The following SLC34A3 variants were observed in gnomAD, a reference collection of about 807,000 sequenced individuals.
The protein encoded by SLC34A3 is solute carrier family 34 member 3.
In SLC34A3, 60 loss-of-function variants were observed where a neutral mutation model predicts 43.9. That is an observed-to-expected ratio of 1.37 (90% CI 1.11 to 1.70). SLC34A3 has a LOEUF of 1.70. SLC34A3 is among the 40% of genes most tolerant of loss of function. SLC34A3 has a pLI of 0.00. For synonymous variants in SLC34A3, 451 were observed against 386.2 expected (o/e 1.17, Z -1.97); for missense variants, 969 against 823.8 (o/e 1.18, Z -2.16).
chr9:137,231,510 A>C (rs1836210415), intron 1 of SLC34A3, among the ~76,000 whole-genome samples, 154 bp from the exon 2 acceptor site: 1 of 151,790 alleles, frequency 6.6e-6, no homozygotes, highest in African/African-American at 2.4e-5. Flanking sequence ...CTGTGGATGG[A>C]GAAAGGGGGA....
At position 137,236,167 on chromosome 9, in the gene SLC34A3, C is replaced by CG. The variant is rs1554785333; in HGVS notation, c.1556dup (p.Pro520SerfsTer73). 6.2e-7 allele frequency: 1 copy of CG among 1,607,504 alleles called. No homozygotes were observed. Among genetic ancestry groups the CG allele is most frequent in the Non-Finnish European group, 8.5e-7 (1 of 1,178,256 alleles). On this transcript the variant is annotated frameshift_variant, in exon 13 of 13. Transcript: ENST00000673835. LOFTEE classifies it low-confidence loss of function (END_TRUNC). Reference sequence around the variant, plus strand: ...CAGGGGGCATGGAGCTGGCCGCTGTCGGGGGTCCCCTGGTGGGGCTGGTGC... The same window carrying CG: ...CAGGGGGCATGGAGCTGGCCGCTGTCGGGGGGTCCCCTGGTGGGGCTGGTGC...
chr9:137,232,527 C>T, intron 3 of SLC34A3, 48 bp from the exon 4 acceptor site: 2 of 1,608,070 alleles, frequency 1.2e-6, no homozygotes, highest in Non-Finnish European at 1.7e-6. Context: ...GGAGGGAGAC[C>T]TGTCAGGGTG....
In SLC34A3 at chr9:137,232,777, G is replaced by A. The variant is rs201109343; in HGVS notation, c.305-7G>A. 1.3e-4 allele frequency: 205 copies of A among 1,613,034 alleles called. No homozygotes were observed. Among genetic ancestry groups the A allele is most frequent in the Non-Finnish European group, 1.5e-4 (176 of 1,179,998 alleles). On this transcript the variant is annotated splice_region_variant and splice_polypyrimidine_tract_variant and intron_variant, in intron 4 of 12. Coordinates refer to ENST00000673835, the MANE Select transcript of SLC34A3 (RefSeq NM_001177316.2). ...GCAGCTTCAGCGCACCTCTCTTGCC[G>A]GTGTAGGCAAAGTGGCCGGAGACAT...
rs1836500362 is a variant in SLC34A3, at chr9:137,234,942, T to G, written c.1335+211T>G. Among the ~76,000 whole-genome samples, 1 of 152,110 alleles carries G rather than the reference T, an allele frequency of 6.6e-6. No homozygotes were observed. The highest frequency in any genetic ancestry group is 6.5e-5 in the Admixed American group (1 of 15,278). On this transcript the variant is annotated intron_variant, in intron 12 of 12. Coordinates refer to ENST00000673835, the MANE Select transcript of SLC34A3 (RefSeq NM_001177316.2). The surrounding 1 kb of genome is among the most constrained non-coding windows in gnomAD (Gnocchi z 6.9). ...CACACCCTCCCTGCGTCTCCTCCCTTGAGACCTCCTCACTTCCACATTTTC... is the reference window on the plus strand; with the variant it reads ...CACACCCTCCCTGCGTCTCCTCCCTGGAGACCTCCTCACTTCCACATTTTC...
At chr9:137,233,186 C>T (rs1836348887) in intron 6 of SLC34A3, 23 bp from the exon 7 acceptor site, 2 of 1,565,138 alleles carry the variant, frequency 1.3e-6, no homozygotes, top group East Asian at 2.4e-5. Flanking sequence ...CCACCTGACC[C>T]TGCCCACTCT....
At chr9:137,231,607 T>C (rs1395860711) in intron 1 of SLC34A3, 57 bp from the exon 2 acceptor site, 9 of 1,115,550 alleles carry the variant, frequency 8.1e-6, no homozygotes, top group Non-Finnish European at 9.5e-6. Context: ...ATCCAGCTTG[T>C]GAGGACAGGG....
chr9:137,234,821 C>A lies in SLC34A3; in HGVS notation c.1335+90C>A. 1 of 1,579,446 alleles carries A rather than the reference C, an allele frequency of 6.3e-7. No individual in the cohort carries two copies. Among genetic ancestry groups the A allele is most frequent in the Non-Finnish European group, 8.6e-7 (1 of 1,165,826 alleles). ...GTGTCACCAGCCCCGGGGCCCTAGG[C>A]TGGCTGTGCCCCCGCCTTCCTGGAC... On this transcript the variant is annotated intron_variant, in intron 12 of 12. Transcript: ENST00000673835. This position sits in a 1 kb window ranked among gnomAD's most constrained non-coding sequence, Gnocchi z 6.9.
At chr9:137,231,952 C>G in intron 2 of SLC34A3, 120 bp from the exon 3 acceptor site, 1 of 1,169,680 alleles carries the variant, frequency 8.5e-7, no homozygotes, top group Non-Finnish European at 1.3e-6. Context: ...TTCCCCGTTC[C>G]GTTTCTGTCC....
upstream of SLC34A3, among the ~76,000 whole-genome samples, chr9:137,230,422 G>A (rs370637378): frequency 1.1e-4 from 16 of 152,152 alleles, no homozygotes; most frequent in East Asian, 1.2e-3. Flanking sequence ...GAAAAAGCCC[G>A]TCCTCCCCCA....
chr9:137,231,901 A>C (rs1836241645), intron 2 of SLC34A3, 114 bp downstream of exon 2: 1 of 1,146,450 alleles, frequency 8.7e-7, no homozygotes, highest in Non-Finnish European at 1.3e-6. Flanking sequence ...CACAGGGCTC[A>C]TGACGCCTCC....
chr9:137,236,133 T>A lies in SLC34A3; in HGVS notation c.1517T>A (p.Leu506His), dbSNP rs1017557592. Residue 506 changes from leucine to histidine, a missense_variant, in exon 13 of 13, where the codon CTC (leucine) becomes CAC (histidine). Leu to His is a moderately conservative substitution (Grantham distance 99). Coordinates refer to ENST00000673835, the MANE Select transcript of SLC34A3 (RefSeq NM_001177316.2). ...FLLLPLAAFG[L>H]SLAGGMELAA... ...CTGCTGCCCCTGGCGGCCTTCGGGCTCTCCCTGGCAGGGGGCATGGAGCTG... is the reference window on the plus strand; with the variant it reads ...CTGCTGCCCCTGGCGGCCTTCGGGCACTCCCTGGCAGGGGGCATGGAGCTG... 3.2e-5 allele frequency: 52 copies of A among 1,610,676 alleles called. No homozygotes were observed. Among genetic ancestry groups the A allele is most frequent in the Non-Finnish European group, 4.4e-5 (52 of 1,179,398 alleles).
upstream of SLC34A3, among the ~76,000 whole-genome samples, chr9:137,229,796 T>C (rs1420937396): frequency 6.6e-6 from 1 of 152,100 alleles, no homozygotes; most frequent in South Asian, 2.1e-4. Flanking sequence ...TCGCTGAACC[T>C]TTCCTGGCTC....
Position 137,233,293 on chromosome 9 carries a change from G to A in SLC34A3, c.645G>A (p.Leu215=). 2 of 1,592,358 alleles carry A rather than the reference G, an allele frequency of 1.3e-6. No individual in the cohort carries two copies. The highest frequency in any genetic ancestry group is 1.1e-5 in the South Asian group (1 of 88,324). The part of the protein sequence containing the change: ...VLLPLESATA[L]LERLSELALG... Reference sequence around the variant, plus strand: ...TGCCACTGGAGAGCGCCACGGCCCTGCTGGAGAGGCTAAGTGAGCTAGCCC... The same window carrying A: ...TGCCACTGGAGAGCGCCACGGCCCTACTGGAGAGGCTAAGTGAGCTAGCCC... Residue 215 remains leucine, a synonymous_variant, in exon 7 of 13, where the codon CTG becomes CTA. Transcript: ENST00000673835.
rs377306924 is a variant in SLC34A3 at position 137,232,995 on chromosome 9, C to A, written c.449-9C>A. ...GGGCCGCAGGCTGACTCAGCCCCCC[C>A]ACCAGCAGTGCTGACTGTCCGGGTG... On this transcript the variant is annotated splice_polypyrimidine_tract_variant and intron_variant, in intron 5 of 12. Transcript: ENST00000673835. The A allele has an allele frequency of 2.1e-5, 34 of 1,610,830 alleles. No homozygotes were observed. The highest frequency in any genetic ancestry group is 1.8e-4 in the Middle Eastern group (1 of 5,528).
At chr9:137,232,483 CAG>C in intron 3 of SLC34A3, 90 bp from the exon 4 acceptor site, 1 of 1,548,114 alleles carries the variant, frequency 6.5e-7, no homozygotes, top group Non-Finnish European at 8.8e-7. Context: ...CTGTTGGAGA[CAG>C]AGGAGAGAGG....
chr9:137,235,754 A>G (rs1268820729), intron 12 of SLC34A3, among the ~76,000 whole-genome samples, 198 bp from the exon 13 acceptor site: 2 of 152,206 alleles, frequency 1.3e-5, no homozygotes, highest in Non-Finnish European at 2.9e-5. Context: ...TGCAGCTCCC[A>G]GGAGCGTGCG....
rs1454223747 is a variant in SLC34A3 at position 137,233,304 on chromosome 9, T to A, written c.656T>A (p.Leu219Gln). Residue 219 changes from leucine to glutamine, a missense_variant, in exon 7 of 13, where the codon CTA becomes CAA. Physicochemically the swap from Leu to Gln is moderately radical, Grantham distance 113 (BLOSUM62 -2). Coordinates refer to ENST00000673835, the MANE Select transcript of SLC34A3 (RefSeq NM_001177316.2). ...LESATALLERLSELALGAASL... is the reference protein window; with the variant it reads ...LESATALLERQSELALGAASL... ...AGCGCCACGGCCCTGCTGGAGAGGC[T>A]AAGTGAGCTAGCCCTGGGTGCCGCC... is the stretch of plus-strand genomic sequence containing the variant. 2 of 1,596,776 alleles carry A rather than the reference T, an allele frequency of 1.3e-6. No homozygotes were observed. Among genetic ancestry groups the A allele is most frequent in the African/African-American group, 2.7e-5 (2 of 74,520 alleles).
Position 137,232,797 on chromosome 9 carries a change from A to G in SLC34A3, c.318A>G (p.Gly106=), listed in dbSNP as rs760896346. 1.7e-5 allele frequency: 27 copies of G among 1,612,944 alleles called. No individual in the cohort carries two copies. In the East Asian group the frequency reaches 5.3e-4, roughly 32 times the overall value. Reference sequence around the variant, plus strand: ...TTGCCGGTGTAGGCAAAGTGGCCGGAGACATCTTCAAGGACAACGTGGTGC... The same window carrying G: ...TTGCCGGTGTAGGCAAAGTGGCCGGGGACATCTTCAAGGACAACGTGGTGC... ...AFQLLGSKVA[G]DIFKDNVVLS... is the part of the protein sequence containing the mutation. The change falls in exon 5 of 13, where the codon GGA becomes GGG. Residue 106 remains glycine (G), a synonymous_variant. Coordinates refer to ENST00000673835, the MANE Select transcript of SLC34A3 (RefSeq NM_001177316.2).
At chr9:137,232,436 C>G (rs1005967333) in intron 3 of SLC34A3, 139 bp from the exon 4 acceptor site, 1 of 1,287,244 alleles carries the variant, frequency 7.8e-7, no homozygotes, top group Non-Finnish European at 1.1e-6. Context: ...GGGCCCTGCC[C>G]TGGGGGTTAC....
Sources: gnomAD v4.1 joint callset for allele counts (sites outside exome capture counted in the v4.1 genomes callset) on GRCh38, gnomAD v4.1.1 for gene constraint, Gnocchi (gnomAD v3.1) non-coding constraint, MANE v1.5 for transcripts, NCBI Gene and HGNC (gene_info 2026-07-23, HGNC 2026-07-21) for gene names.